The following ESPN variants were observed in gnomAD, a reference collection of about 807,000 sequenced individuals.
The protein encoded by ESPN is autosomal recessive deafness type 36 protein.
A neutral mutation model predicts 77.7 loss-of-function variants in ESPN; 68 were observed. The observed-to-expected ratio is 0.87, with a 90% CI of 0.72 to 1.07. The LOEUF (loss-of-function observed/expected upper bound fraction) is 1.07, where lower values mean the gene tolerates loss of function less well. Among genes scored for constraint, ESPN ranks in the 50% least tolerant of loss-of-function variants. The pLI, the probability that ESPN is intolerant of heterozygous loss-of-function variation, is 0.00. For missense variants in ESPN, 1,060 were observed against 1,239.0 expected (o/e 0.86, Z 2.17); for synonymous variants, 449 against 567.1 (o/e 0.79, Z 2.96).
intron 2 of ESPN, among the ~76,000 whole-genome samples, chr1:6,432,989 G>A (rs1353901615): frequency 6.6e-6 from 1 of 152,086 alleles, no homozygotes; most frequent in African/African-American, 2.4e-5. Flanking sequence ...GGGTGTGGTG[G>A]CACGTGCCTG....
chr1:6,446,664 C>T (rs1308112352), intron 7 of ESPN, among the ~76,000 whole-genome samples: 2 of 152,100 alleles, frequency 1.3e-5, no homozygotes, highest in Non-Finnish European at 2.9e-5. Flanking sequence ...CCGGGTATCC[C>T]GGGCAGGGTG....
At chr1:6,453,527 C>T (rs1397705021) in intron 10 of ESPN, among the ~76,000 whole-genome samples, 6 of 152,104 alleles carry the variant, frequency 3.9e-5, no homozygotes, top group Non-Finnish European at 7.4e-5. Flanking sequence ...GCTGAAGAGC[C>T]GCAGGTGAGA....
In ESPN at chr1:6,441,039, C is replaced by T. The variant is rs1569652574; in HGVS notation, c.964C>T (p.Arg322Cys). The change falls in exon 5 of 13, where the codon CGC (arginine) becomes TGC (cysteine). Residue 322 changes from arginine to cysteine, a missense_variant. Around this residue, in one of 3 missense-constraint regions of ESPN, gnomAD observed 556 missense variants for 633.6 expected, o/e 0.88. Coordinates refer to ENST00000645284, the MANE Select transcript of ESPN (RefSeq NM_031475.3). ...CTTCAACGGCCACAGCCACTGCACC[C>T]GCTACCTGCGCACGGTGGAGAACCT... is the stretch of plus-strand genomic sequence containing the variant. ...SDFNGHSHCT[R>C]YLRTVENLSV... 1.2e-6 allele frequency: 2 copies of T among 1,611,544 alleles called. No homozygotes were observed. The highest frequency in any genetic ancestry group is 8.5e-7 in the Non-Finnish European group (1 of 1,179,626).
rs181695550 is a variant in ESPN, at chr1:6,450,513, G to A, written c.1916-1090G>A. On this transcript the variant is annotated intron_variant, in intron 8 of 12. Transcript: ENST00000645284. The surrounding 1 kb of genome is among the most constrained non-coding windows in gnomAD (Gnocchi z 4.3). ...CGGCTCCTGGCTGAGGCTGAGGCGC[G>A]GGGTGGGGGGAAGAGGCAGGAAAAG... 1,004 of 939,374 alleles carry A rather than the reference G, an allele frequency of 1.1e-3. 7 individuals carry two copies. The African/African-American group carries it at 0.017, about 16-fold the overall frequency. The allele number at this position is 939,374 out of a possible 1,614,324, so 58.2% of individuals were successfully genotyped here.
chr1:6,435,359 G>A (rs183704633), intron 2 of ESPN, among the ~76,000 whole-genome samples: 1 of 152,332 alleles, frequency 6.6e-6, no homozygotes, highest in East Asian at 1.9e-4. Context: ...TCCCTGCGGC[G>A]GCGCTGGCAG....
At chr1:6,458,008 GAAAAAAA>G (rs34724255) in intron 12 of ESPN, among the ~76,000 whole-genome samples, 3 of 85,622 alleles carry the variant, frequency 3.5e-5, no homozygotes, top group Admixed American at 1.4e-4. Context: ...CTCATTCTGC[GAAAAAAA>G]AAAAAAAAAA....
intron 2 of ESPN, among the ~76,000 whole-genome samples, chr1:6,433,223 T>A (rs1569601516): frequency 6.6e-6 from 1 of 150,776 alleles, no homozygotes; most frequent in South Asian, 2.1e-4. Flanking sequence ...GGCGGGCGGA[T>A]CACGAGGTCA....
At chr1:6,453,420 A>G (rs963574936) in intron 10 of ESPN, among the ~76,000 whole-genome samples, 1 of 152,244 alleles carries the variant, frequency 6.6e-6, no homozygotes, top group Admixed American at 6.5e-5. Flanking sequence ...CTAACCGGCC[A>G]CCTTATACGT....
At chr1:6,455,796 G>C (rs1382807554) in intron 10 of ESPN, 7 of 398,844 alleles carry the variant, frequency 1.8e-5, no homozygotes, top group African/African-American at 1.4e-4. Context: ...GCTGGAGGAG[G>C]TGGAGGCCGG....
rs1223153035 is a variant in ESPN at position 6,453,592 on chromosome 1, G to T, written c.2325+1496G>T. Among the ~76,000 whole-genome samples, 4 of 152,164 alleles carry T rather than the reference G, an allele frequency of 2.6e-5. 1 individual carries two copies. The highest frequency in any genetic ancestry group is 9.7e-5 in the African/African-American group (4 of 41,428). On this transcript the variant is annotated intron_variant, in intron 10 of 12. Transcript: ENST00000645284. ...GGCCCTGACTGTCCTGGAGGAAGGG[G>T]GTCGCTGAGCTGGAGAGACCTCAGT...
chr1:6,460,924 A>C lies in ESPN; in HGVS notation c.*778A>C. On this transcript the variant is annotated 3_prime_UTR_variant, in exon 13 of 13. Transcript: ENST00000645284. The stretch of plus-strand genomic sequence containing the variant: ...CTCGCAGCCCCATTAAAGCGCTCTC[A>C]TCTGGGCTCCGGTTCACTCACTCGC... 2 of 358,032 alleles carry C rather than the reference A, an allele frequency of 5.6e-6. No homozygotes were observed. The highest frequency in any genetic ancestry group is 4.4e-5 in the South Asian group (2 of 45,366). 22.2% of individuals were successfully genotyped at this position (358,032 alleles called of 1,614,324 possible).
intron 10 of ESPN, chr1:6,456,377 G>T (rs1644058405): frequency 2.6e-6 from 1 of 379,328 alleles, no homozygotes; most frequent in African/African-American, 2.1e-5. Context: ...GGCGGGCTGT[G>T]GGGCGTTGGT....
chr1:6,425,124 G>A lies in ESPN; in HGVS notation c.169G>A (p.Glu57Lys). The change falls in exon 1 of 13, where the codon GAG (glutamate) becomes AAG (lysine). Residue 57 changes from glutamate to lysine, a missense_variant. Glu to Lys is a moderately conservative substitution (Grantham distance 56, BLOSUM62 1). Around this residue, in one of 3 missense-constraint regions of ESPN, gnomAD observed 556 missense variants for 633.6 expected, o/e 0.88. Coordinates refer to ENST00000645284, the MANE Select transcript of ESPN (RefSeq NM_031475.3). ...GCTGCACTGTCTGCGCTTCCTGGTG[G>A]AGGAAGCCGCCCTCCCCGCCGCGGC... ...GKLHCLRFLV[E>K]EAALPAAARA... 1.3e-6 allele frequency: 2 copies of A among 1,508,954 alleles called. No homozygotes were observed. The highest frequency in any genetic ancestry group is 8.8e-7 in the Non-Finnish European group (1 of 1,136,824). 93.5% of individuals were successfully genotyped at this position (1,508,954 alleles called of 1,614,324 possible).
rs745787605 is a variant in ESPN, at chr1:6,441,050, C to T, written c.975C>T (p.Arg325=). 8 of 1,611,448 alleles carry T rather than the reference C, an allele frequency of 5.0e-6. No individual in the cohort carries two copies. In the South Asian group the frequency reaches 8.8e-5, roughly 18 times the overall value. ...NGHSHCTRYL[R]TVENLSVEHR... is the part of the protein sequence containing the mutation. ...ACAGCCACTGCACCCGCTACCTGCG[C>T]ACGGTGGAGAACCTGGTACGATCCC... The change falls in exon 5 of 13, where the codon CGC becomes CGT. Residue 325 remains arginine (R), a synonymous_variant. Coordinates refer to ENST00000645284, the MANE Select transcript of ESPN (RefSeq NM_031475.3).
chr1:6,440,267 C>T lies in ESPN; in HGVS notation c.502C>T (p.Gln168Ter), dbSNP rs1291748421. ...GTGTCTCCGCAGGGGAGTGAATGCC[C>T]AAACCAAGAACGGTGCCACGCCCCT... ...VEHYPEGVNA[Q>*]TKNGATPLYL... Residue 168 changes from glutamine to a stop codon, truncating the protein, a stop_gained, in exon 3 of 13, where the codon CAA becomes TAA. Transcript: ENST00000645284. LOFTEE classifies it high-confidence loss of function. 4.5e-6 allele frequency: 7 copies of T among 1,549,758 alleles called. No homozygotes were observed. The South Asian group carries it at 5.9e-5, about 13-fold the overall frequency.
intron 2 of ESPN, among the ~76,000 whole-genome samples, chr1:6,438,455 CTG>C (rs1167693408): frequency 2.0e-5 from 3 of 152,256 alleles, no homozygotes; most frequent in African/African-American, 4.8e-5. Context: ...AGAAGCAAGA[CTG>C]TGGCACAGCT....
intron 2 of ESPN, among the ~76,000 whole-genome samples, chr1:6,438,605 C>A (rs1643516477): frequency 1.3e-5 from 2 of 152,260 alleles, no homozygotes. Context: ...GCCCTGCATG[C>A]ACAGACAGAT....
At chr1:6,435,884 C>T (rs1418746445) in intron 2 of ESPN, among the ~76,000 whole-genome samples, 4 of 152,244 alleles carry the variant, frequency 2.6e-5, no homozygotes, top group South Asian at 2.1e-4. Flanking sequence ...TTCTCAGGCA[C>T]TCCGCATGAG....
Position 6,425,044 on chromosome 1 carries a change from C to T in ESPN, c.89C>T (p.Ser30Leu), listed in dbSNP as rs889393844. The change falls in exon 1 of 13, where the codon TCG (serine) becomes TTG (leucine). Residue 30 changes from serine (S) to leucine (L), a missense_variant. Around this residue, in one of 3 missense-constraint regions of ESPN, gnomAD observed 556 missense variants for 633.6 expected, o/e 0.88. Coordinates refer to ENST00000645284, the MANE Select transcript of ESPN (RefSeq NM_031475.3). ...SLHAAGLLGP[S>L]LRDPLDALPV... The stretch of plus-strand genomic sequence containing the variant: ...CACGCCGCAGGCCTCCTGGGGCCCT[C>T]GCTGCGCGACCCGCTGGACGCGCTG... 1.4e-6 allele frequency: 2 copies of T among 1,469,068 alleles called. No homozygotes were observed. Among genetic ancestry groups the T allele is most frequent in the Non-Finnish European group, 1.8e-6 (2 of 1,117,470 alleles). The allele number at this position is 1,469,068 out of a possible 1,614,324, so 91.0% of individuals were successfully genotyped here.
Sources: gnomAD v4.1 joint callset for allele counts (sites outside exome capture counted in the v4.1 genomes callset) on GRCh38, gnomAD v4.1.1 for gene constraint, gnomAD v4.1.1 regional missense constraint, Gnocchi (gnomAD v3.1) non-coding constraint, MANE v1.5 for transcripts, NCBI Gene and HGNC (gene_info 2026-07-23, HGNC 2026-07-21) for gene names.